The following MARCHF6 variants were observed in gnomAD, a reference collection of about 807,000 sequenced individuals.
MARCHF6 encodes membrane associated ring-CH-type finger 6, also known as E3 ubiquitin-protein ligase MARCHF6.
Under a neutral mutation model 133.7 loss-of-function variants are expected in MARCHF6, and 31 were observed. The ratio of observed to expected loss-of-function variants is 0.23; its 90% confidence interval spans 0.17 to 0.31. The LOEUF (loss-of-function observed/expected upper bound fraction) is 0.31. Among genes scored for constraint, MARCHF6 ranks in the 10% least tolerant of loss-of-function variants. MARCHF6 has a pLI of 1.00. For missense variants in MARCHF6, 723 were observed against 1,121.6 expected (o/e 0.64, Z 5.08); for synonymous variants, 395 against 402.5 (o/e 0.98, Z 0.22).
chr5:10,391,021 G>A (rs1737799631), intron 6 of MARCHF6, among the ~76,000 whole-genome samples: 1 of 152,114 alleles, frequency 6.6e-6, no homozygotes, highest in African/African-American at 2.4e-5. Flanking sequence ...GTGAGGTTGT[G>A]TTCTTATATA....
At chr5:10,391,828 G>A in intron 7 of MARCHF6, 97 bp downstream of exon 7, 1 of 1,226,648 alleles carries the variant, frequency 8.2e-7, no homozygotes, top group Non-Finnish European at 1.1e-6. Context: ...TTTTAATGTT[G>A]TGAAGTTCTA....
At chr5:10,384,891 A>T (rs1737372835) in intron 4 of MARCHF6, among the ~76,000 whole-genome samples, 1 of 152,238 alleles carries the variant, frequency 6.6e-6, no homozygotes, top group Non-Finnish European at 1.5e-5. Context: ...TAAAGGACAT[A>T]TGTATAAGAA....
chr5:10,402,708 A>AT, intron 14 of MARCHF6, 101 bp downstream of exon 14: 3 of 1,033,014 alleles, frequency 2.9e-6, no homozygotes, highest in Non-Finnish European at 3.0e-6. Context: ...AATATTTGAT[A>AT]ATTTGCTTAT....
Position 10,433,586 on chromosome 5 carries a change from C to A in MARCHF6, c.2643-8C>A. ...GAAGAGAGTAACCACCTTGTTTTTG[C>A]AACCTAGGTACCTTGTGGGTCAACG... On this transcript the variant is annotated splice_polypyrimidine_tract_variant and splice_region_variant and intron_variant, in intron 25 of 25. Coordinates refer to ENST00000274140, the MANE Select transcript of MARCHF6 (RefSeq NM_005885.4). 2.5e-6 allele frequency: 4 copies of A among 1,611,486 alleles called. No individual in the cohort carries two copies. Among genetic ancestry groups the A allele is most frequent in the Non-Finnish European group, 3.4e-6 (4 of 1,177,802 alleles).
In MARCHF6 at chr5:10,433,901, C is replaced by A; in HGVS notation, c.*217C>A. 1 of 539,492 alleles carries A rather than the reference C, an allele frequency of 1.9e-6. No homozygotes were observed. The highest frequency in any genetic ancestry group is 3.3e-6 in the Non-Finnish European group (1 of 298,972). 33.4% of individuals were successfully genotyped at this position (539,492 alleles called of 1,614,324 possible). On this transcript the variant is annotated 3_prime_UTR_variant, in exon 26 of 26. Coordinates refer to ENST00000274140, the MANE Select transcript of MARCHF6 (RefSeq NM_005885.4). ...TCTGAGATTTGTATATGTGTAAATA[C>A]AAGTTCCTTGATACCCTAAAACCTT...
intron 1 of MARCHF6, among the ~76,000 whole-genome samples, chr5:10,376,917 C>T (rs1229039775): frequency 3.3e-5 from 5 of 152,268 alleles, no homozygotes; most frequent in Middle Eastern, 3.4e-3. Context: ...TAAGTTTCTG[C>T]CCATTCTCCC....
In MARCHF6 at chr5:10,435,674, T is replaced by C. The variant is rs1246511819; in HGVS notation, c.*1990T>C. The C allele has an allele frequency of 6.7e-5, 1 of 14,950 alleles. No homozygotes were observed. Among genetic ancestry groups the C allele is most frequent in the African/African-American group, 3.3e-4 (1 of 3,046 alleles). The allele number at this position is 14,950 out of a possible 1,614,324, so 0.9% of individuals were successfully genotyped here. On this transcript the variant is annotated 3_prime_UTR_variant, in exon 26 of 26. Coordinates refer to ENST00000274140, the MANE Select transcript of MARCHF6 (RefSeq NM_005885.4). The stretch of plus-strand genomic sequence containing the variant: ...ATATATATATATATATATATATATA[T>C]ATATATATATATATATATATATATT...
chr5:10,413,568 T>C (rs1408771518), intron 19 of MARCHF6: 1 of 152,260 alleles, frequency 6.6e-6, no homozygotes, highest in Non-Finnish European at 1.5e-5. Flanking sequence ...ACACTGCTAA[T>C]AAATAATCTG....
At chr5:10,383,354 T>C (rs1737270741) in intron 4 of MARCHF6, among the ~76,000 whole-genome samples, 2 of 152,206 alleles carry the variant, frequency 1.3e-5, no homozygotes, top group Admixed American at 6.5e-5. Context: ...TGGTGTCTTT[T>C]AGATTGAACG....
rs745425429 is a variant in MARCHF6, at chr5:10,403,401, T to C, written c.1198-6T>C. 8.7e-6 allele frequency: 14 copies of C among 1,609,564 alleles called. No individual in the cohort carries two copies. The East Asian group carries it at 1.8e-4, about 21-fold the overall frequency. On this transcript the variant is annotated splice_polypyrimidine_tract_variant and splice_region_variant and intron_variant, in intron 14 of 25. Coordinates refer to ENST00000274140, the MANE Select transcript of MARCHF6 (RefSeq NM_005885.4). ...GATTTCTCTTACCTGTCCTCTTTTG[T>C]CTCAGGAAATGTTTGATGCTACTCT...
intron 4 of MARCHF6, among the ~76,000 whole-genome samples, chr5:10,383,869 A>G (rs1737307978): frequency 6.6e-6 from 1 of 152,238 alleles, no homozygotes; most frequent in Admixed American, 6.5e-5. Flanking sequence ...GAAGATAGAA[A>G]TTAAAGCTTT....
At chr5:10,392,104 G>A (rs948651064) in intron 7 of MARCHF6, among the ~76,000 whole-genome samples, 34 of 151,938 alleles carry the variant, frequency 2.2e-4, no homozygotes, top group African/African-American at 7.0e-4. Flanking sequence ...GACAACAGGC[G>A]CTCGCCACCA....
chr5:10,396,573 C>T (rs1290657590), intron 9 of MARCHF6, among the ~76,000 whole-genome samples: 1 of 152,060 alleles, frequency 6.6e-6, no homozygotes, highest in Non-Finnish European at 1.5e-5. Context: ...GATCTTTGGA[C>T]GGATCATTTA....
chr5:10,394,397 CAA>C (rs961164984), intron 8 of MARCHF6, among the ~76,000 whole-genome samples: 5 of 151,932 alleles, frequency 3.3e-5, no homozygotes, highest in African/African-American at 9.7e-5. Flanking sequence ...TTTTGAAAAA[CAA>C]AATAACAATT....
chr5:10,359,157 A>G (rs1386115877), intron 1 of MARCHF6, among the ~76,000 whole-genome samples: 2 of 152,210 alleles, frequency 1.3e-5, no homozygotes, highest in Non-Finnish European at 2.9e-5. Context: ...GAATAACATG[A>G]TGGGATCCAT....
intron 1 of MARCHF6, among the ~76,000 whole-genome samples, chr5:10,366,690 T>G (rs1561098823): frequency 1.3e-5 from 2 of 152,216 alleles, no homozygotes; most frequent in East Asian, 3.9e-4. Flanking sequence ...CCCTTAGAAT[T>G]TATTGGGTAG....
intron 3 of MARCHF6, among the ~76,000 whole-genome samples, chr5:10,380,153 A>AG (rs1276272868): frequency 8.2e-6 from 1 of 121,308 alleles, no homozygotes; most frequent in Non-Finnish European, 1.7e-5. Flanking sequence ...TTTGTGTTTT[A>AG]GTTGTGTGTG....
chr5:10,412,034 A>G (rs528695178), intron 19 of MARCHF6, among the ~76,000 whole-genome samples: 46 of 152,358 alleles, frequency 3.0e-4, no homozygotes, highest in African/African-American at 9.9e-4. Flanking sequence ...ATTACAGTGA[A>G]GTCATCATTT....
At chr5:10,375,574 C>T (rs568830778) in intron 1 of MARCHF6, among the ~76,000 whole-genome samples, 6 of 152,252 alleles carry the variant, frequency 3.9e-5, no homozygotes, top group African/African-American at 7.2e-5. Flanking sequence ...GGCAGCTCCA[C>T]CTGCAGCCCG....
Sources: gnomAD v4.1 joint callset for allele counts (sites outside exome capture counted in the v4.1 genomes callset) on GRCh38, gnomAD v4.1.1 for gene constraint, MANE v1.5 for transcripts, NCBI Gene and HGNC (gene_info 2026-07-23, HGNC 2026-07-21) for gene names.